Variants in ZNF827 observed in about 807,000 individuals in gnomAD.
ZNF827 encodes zinc finger protein 827.
ZNF827 carries 13 observed loss-of-function variants against 102.4 expected under a neutral mutation model. The ratio of observed to expected loss-of-function variants is 0.13; its 90% CI spans 0.08 to 0.20. The LOEUF is 0.20. ZNF827 is among the 10% of genes least tolerant of loss of function. The pLI is 1.00. For missense variants in ZNF827, 1,103 were observed against 1,344.4 expected (o/e 0.82, Z 2.81); for synonymous variants, 523 against 536.2 (o/e 0.98, Z 0.34).
At position 145,902,789 on chromosome 4, in the gene ZNF827, G is replaced by C. The variant is rs1156449448; in HGVS notation, c.470C>G (p.Ser157Cys). Residue 157 changes from serine (S) to cysteine (C), a missense_variant, in exon 2 of 15, where the codon TCC becomes TGC. By Grantham distance (112) the Ser-to-Cys change is moderately radical. This residue lies in a region of ZNF827 where 441 missense variants were observed against 458.6 expected (regional missense o/e 0.96). Coordinates refer to ENST00000508784, the MANE Select transcript of ZNF827 (RefSeq NM_001306215.2). This position sits in a 1 kb window ranked among gnomAD's most constrained non-coding sequence, Gnocchi z 4.3. ...CTGCTGGGCGTGGTGGGAAGGCGGG[G>C]AAAAGGAGAGGTTCGAGCCAACGTT... ...PVNVGSNLSFSPPSHHAQQLS... is the reference protein window; with the variant it reads ...PVNVGSNLSFCPPSHHAQQLS... The C allele has an allele frequency of 1.2e-6, 2 of 1,614,150 alleles. No homozygotes were observed. Among genetic ancestry groups the C allele is most frequent in the Non-Finnish European group, 1.7e-6 (2 of 1,180,024 alleles).
intron 4 of ZNF827, among the ~76,000 whole-genome samples, chr4:145,880,140 CAGG>C (rs1749540496): frequency 2.0e-5 from 3 of 152,150 alleles, no homozygotes; most frequent in Admixed American, 2.0e-4. Flanking sequence ...GAGGCTGAGG[CAGG>C]AGAATAGCTT....
rs1264711424 is a variant in ZNF827 at position 145,905,064 on chromosome 4, G to A, written c.44-1849C>T. Among the ~76,000 whole-genome samples the A allele has an allele frequency of 3.9e-5, 6 of 152,208 alleles. No individual in the cohort carries two copies. The East Asian group carries it at 1.2e-3, about 29-fold the overall frequency. On this transcript the variant is annotated intron_variant, in intron 1 of 14. Coordinates refer to ENST00000508784, the MANE Select transcript of ZNF827 (RefSeq NM_001306215.2). ...TGCAGAGCCAACATTCTCATATTTT[G>A]TTTACATTGGTTTTATATTACTCTA...
intron 9 of ZNF827, among the ~76,000 whole-genome samples, chr4:145,777,134 A>G (rs1224680705): frequency 1.3e-5 from 2 of 152,216 alleles, no homozygotes; most frequent in Non-Finnish European, 1.5e-5. Context: ...ATATGAGACC[A>G]TTATTGTTAT....
At chr4:145,804,954 G>A (rs772417514) in intron 8 of ZNF827, among the ~76,000 whole-genome samples, 4 of 152,096 alleles carry the variant, frequency 2.6e-5, no homozygotes, top group Non-Finnish European at 4.4e-5. Flanking sequence ...GCCATCATTG[G>A]TGGCTTTAGG....
chr4:145,851,571 T>C (rs1407777386), intron 5 of ZNF827, among the ~76,000 whole-genome samples: 1 of 152,196 alleles, frequency 6.6e-6, no homozygotes, highest in African/African-American at 2.4e-5. Flanking sequence ...ATCAATAAGA[T>C]CTTATGTAAG....
At chr4:145,787,765 G>C (rs935439780) in intron 8 of ZNF827, among the ~76,000 whole-genome samples, 1 of 152,102 alleles carries the variant, frequency 6.6e-6, no homozygotes, top group East Asian at 1.9e-4. Context: ...CAGAGCATTA[G>C]ATCAAGTAGA....
intron 4 of ZNF827, among the ~76,000 whole-genome samples, chr4:145,884,347 G>C (rs1201955497): frequency 1.3e-5 from 2 of 152,206 alleles, no homozygotes; most frequent in African/African-American, 4.8e-5. Flanking sequence ...GGACTTCAGA[G>C]TGGAGCTGAA....
chr4:145,787,190 C>T (rs1266907966), intron 8 of ZNF827, among the ~76,000 whole-genome samples: 2 of 152,144 alleles, frequency 1.3e-5, no homozygotes, highest in East Asian at 1.9e-4. Context: ...GTCGGCCGGG[C>T]GCAGTGGCTC....
At chr4:145,914,230 A>AC (rs1752510687) in intron 1 of ZNF827, among the ~76,000 whole-genome samples, 1 of 152,190 alleles carries the variant, frequency 6.6e-6, no homozygotes, top group Non-Finnish European at 1.5e-5. Context: ...GCCGTGGGAG[A>AC]CAAGAGACTT....
intron 7 of ZNF827, chr4:145,839,195 C>T (rs1336185382): frequency 2.6e-5 from 4 of 152,192 alleles, no homozygotes. Context: ...ACTGAGTTTT[C>T]AAGGAACAAG....
intron 8 of ZNF827, among the ~76,000 whole-genome samples, chr4:145,787,544 T>C (rs1739065559): frequency 6.6e-6 from 1 of 152,022 alleles, no homozygotes; most frequent in Non-Finnish European, 1.5e-5. Context: ...TCTTTTTAGA[T>C]GTAAGAGTTA....
intron 5 of ZNF827, among the ~76,000 whole-genome samples, chr4:145,862,063 A>G (rs535262741): frequency 2.0e-4 from 31 of 152,248 alleles, no homozygotes; most frequent in Middle Eastern, 3.4e-3. Flanking sequence ...CAGCTCCCAT[A>G]TGGGGCGGGG....
chr4:145,763,072 C>A lies in ZNF827; in HGVS notation c.*17+18G>T. On this transcript the variant is annotated intron_variant, in intron 14 of 14. Transcript: ENST00000508784. This position sits in a 1 kb window ranked among gnomAD's most constrained non-coding sequence, Gnocchi z 4.6. ...AGGTCAGGTGCACACACAACCCCTACGCCAAGCTGGGCCTTACCTAGAGGA... is the reference window on the plus strand; with the variant it reads ...AGGTCAGGTGCACACACAACCCCTAAGCCAAGCTGGGCCTTACCTAGAGGA... The A allele has an allele frequency of 2.6e-6, 4 of 1,535,514 alleles. No homozygotes were observed. In the South Asian group the frequency reaches 4.8e-5, roughly 18 times the overall value.
At chr4:145,927,318 C>T (rs552468841) in intron 1 of ZNF827, among the ~76,000 whole-genome samples, 1 of 152,312 alleles carries the variant, frequency 6.6e-6, no homozygotes, top group African/African-American at 2.4e-5. Context: ...AGTCCCTGCT[C>T]TCAAGGAGCT....
chr4:145,797,381 A>G (rs974633465), intron 8 of ZNF827, among the ~76,000 whole-genome samples: 6 of 152,212 alleles, frequency 3.9e-5, no homozygotes, highest in African/African-American at 1.2e-4. Flanking sequence ...TGACCTTTAC[A>G]GACACTCCCT....
At chr4:145,913,332 A>G (rs1752426689) in intron 1 of ZNF827, among the ~76,000 whole-genome samples, 1 of 151,456 alleles carries the variant, frequency 6.6e-6, no homozygotes, top group Non-Finnish European at 1.5e-5. Context: ...AGGCTGAAGC[A>G]GAAGGATAAC....
chr4:145,843,468 G>A lies in ZNF827; in HGVS notation c.2279+2488C>T, dbSNP rs776872403. 2.0e-3 allele frequency among the ~76,000 whole-genome samples: 304 copies of A among 152,250 alleles called. 5 individuals are homozygous for A. Among genetic ancestry groups the A allele is most frequent in the Non-Finnish European group, 4.7e-4 (32 of 68,020 alleles). On this transcript the variant is annotated intron_variant, in intron 7 of 14. Transcript: ENST00000508784. ...TTTTTCTCTTCTATCCTATAATCAT[G>A]CTTCAGCTCCAGCCAAGGCAGTTTA...
At chr4:145,828,340 G>C (rs1197850974) in intron 7 of ZNF827, among the ~76,000 whole-genome samples, 1 of 152,154 alleles carries the variant, frequency 6.6e-6, no homozygotes, top group Non-Finnish European at 1.5e-5. Context: ...AAAAAAGCAA[G>C]AAAAGAGGTT....
rs984555200 is a variant in ZNF827, at chr4:145,760,783, A to G, written c.*833T>C. On this transcript the variant is annotated 3_prime_UTR_variant, in exon 15 of 15. Coordinates refer to ENST00000508784, the MANE Select transcript of ZNF827 (RefSeq NM_001306215.2). ...TGGTACAGAACATGGCTGCCCTCAGACAGTCTCTGCTCTTTCTCTCAGTCC... is the reference window on the plus strand; with the variant it reads ...TGGTACAGAACATGGCTGCCCTCAGGCAGTCTCTGCTCTTTCTCTCAGTCC... 2.6e-6 allele frequency: 3 copies of G among 1,149,968 alleles called. No individual in the cohort carries two copies. The African/African-American group carries it at 5.0e-5, about 19-fold the overall frequency. The allele number at this position is 1,149,968 out of a possible 1,614,324, so 71.2% of individuals were successfully genotyped here.
Sources: allele counts gnomAD v4.1 joint callset (sites outside exome capture counted in the v4.1 genomes callset), GRCh38; gene constraint gnomAD v4.1.1; regional missense constraint gnomAD v4.1.1; non-coding constraint Gnocchi (gnomAD v3.1); transcripts MANE v1.5; gene names NCBI Gene and HGNC (gene_info 2026-07-23, HGNC 2026-07-21).